PRKN: variants seen among roughly 807,000 people sequenced by gnomAD.
The protein encoded by PRKN is parkin RBR E3 ubiquitin protein ligase.
In PRKN, 56 loss-of-function variants were observed where a neutral mutation model predicts 59.5. The ratio of observed to expected loss-of-function variants is 0.94; its 90% CI spans 0.76 to 1.18. PRKN has a LOEUF of 1.18. PRKN is among the 50% of genes most tolerant of loss of function. The pLI, the probability that PRKN is intolerant of heterozygous loss-of-function variation, is 0.00. For synonymous variants in PRKN, 250 were observed against 222.1 expected (o/e 1.13, Z -1.12); for missense variants, 657 against 596.4 (o/e 1.10, Z -1.06).
At chr6:162,388,686 A>G (rs1786981354) in intron 2 of PRKN, among the ~76,000 whole-genome samples, 1 of 152,138 alleles carries the variant, frequency 6.6e-6, no homozygotes, top group Admixed American at 6.5e-5. Flanking sequence ...TGTGCCACGT[A>G]CTGTGCTCGG....
chr6:162,170,157 T>G (rs1248039069), intron 4 of PRKN, among the ~76,000 whole-genome samples: 1 of 152,150 alleles, frequency 6.6e-6, no homozygotes, highest in Non-Finnish European at 1.5e-5. Flanking sequence ...CCTTTCTTAC[T>G]CTCTGTCTCC....
intron 2 of PRKN, among the ~76,000 whole-genome samples, chr6:162,277,906 A>G (rs1178184529): frequency 1.3e-5 from 2 of 152,200 alleles, no homozygotes; most frequent in African/African-American, 4.8e-5. Flanking sequence ...ACAATGCAGC[A>G]ATACCTGGAG....
intron 1 of PRKN, among the ~76,000 whole-genome samples, chr6:162,587,442 A>G (rs1014401367): frequency 2.0e-5 from 3 of 152,168 alleles, no homozygotes; most frequent in Admixed American, 6.5e-5. Context: ...AGCCCACAGT[A>G]GCATTTATTA....
In PRKN at chr6:161,444,681, C is replaced by T. The variant is rs879409722; in HGVS notation, c.1084-57804G>A. Among the ~76,000 whole-genome samples, 4 of 152,198 alleles carry T rather than the reference C, an allele frequency of 2.6e-5. No individual in the cohort carries two copies. The highest frequency in any genetic ancestry group is 5.9e-5 in the Non-Finnish European group (4 of 68,034). ...GCGGGTAGCGAGGGCTCCTGAGTAA[C>T]AGCGAGCTTTGCACGAGCGCTACCG... On this transcript the variant is annotated intron_variant, in intron 9 of 11. Coordinates refer to ENST00000366898, the MANE Select transcript of PRKN (RefSeq NM_004562.3). The surrounding 1 kb of genome is among the most constrained non-coding windows in gnomAD (Gnocchi z 5.6).
chr6:162,321,164 T>C (rs1474224800), intron 2 of PRKN, among the ~76,000 whole-genome samples: 2 of 151,762 alleles, frequency 1.3e-5, no homozygotes, highest in African/African-American at 2.4e-5. Flanking sequence ...GGATACAAAT[T>C]ACCAATGTCA....
chr6:162,115,147 A>G (rs1583053982), intron 4 of PRKN, among the ~76,000 whole-genome samples: 3 of 152,250 alleles, frequency 2.0e-5, no homozygotes, highest in South Asian at 2.1e-4. Flanking sequence ...CATATACACC[A>G]TGGAATACTA....
chr6:161,812,779 A>T (rs1791615575), intron 6 of PRKN, among the ~76,000 whole-genome samples: 1 of 152,210 alleles, frequency 6.6e-6, no homozygotes, highest in African/African-American at 2.4e-5. Context: ...CTTAAATATT[A>T]TTGTGGAGAT....
intron 1 of PRKN, among the ~76,000 whole-genome samples, chr6:162,491,508 G>C (rs139210453): frequency 6.6e-6 from 1 of 152,104 alleles, no homozygotes; most frequent in Non-Finnish European, 1.5e-5. Context: ...CTGCAGCTGC[G>C]CCCAGACAGC....
intron 6 of PRKN, among the ~76,000 whole-genome samples, chr6:161,856,077 C>T (rs2128223468): frequency 6.6e-6 from 1 of 152,284 alleles, no homozygotes; most frequent in South Asian, 2.1e-4. Context: ...GATCAAAGAT[C>T]TGCTAGGTGC....
rs1584139312 is a variant in PRKN at position 162,727,595 on chromosome 6, G to C, written c.7+67C>G. The C allele has an allele frequency of 2.6e-6, 4 of 1,510,164 alleles. No homozygotes were observed. In the East Asian group the frequency reaches 9.7e-5, roughly 37 times the overall value. 93.5% of individuals were successfully genotyped at this position (1,510,164 alleles called of 1,614,324 possible). A position where few individuals can be genotyped will look rare whatever the true frequency, so the allele number is the denominator to read the frequency against. The stretch of plus-strand genomic sequence containing the variant: ...ACCGGGGGTCCTGGTCGGCCGAGGC[G>C]GGGCGTGGCGCCATACCGGGGCGTG... On this transcript the variant is annotated intron_variant, in intron 1 of 11. Coordinates refer to ENST00000366898, the MANE Select transcript of PRKN (RefSeq NM_004562.3).
At chr6:162,174,550 C>CAT (rs1783446716) in intron 4 of PRKN, among the ~76,000 whole-genome samples, 1 of 151,600 alleles carries the variant, frequency 6.6e-6, no homozygotes, top group Admixed American at 6.6e-5. Flanking sequence ...ATATGAAACA[C>CAT]AGTATTTTAA....
intron 1 of PRKN, among the ~76,000 whole-genome samples, chr6:162,675,631 TAGAG>T (rs1045134259): frequency 6.4e-4 from 98 of 152,212 alleles, no homozygotes; most frequent in African/African-American, 2.2e-3. Context: ...CACTAAAAGA[TAGAG>T]AGAAACACTT....
In PRKN at chr6:161,363,852, A is replaced by T. The variant is rs561348539; in HGVS notation, c.1168-3647T>A. 6.6e-6 allele frequency among the ~76,000 whole-genome samples: 1 copy of T among 152,312 alleles called. No homozygotes were observed. The highest frequency in any genetic ancestry group is 1.9e-4 in the East Asian group (1 of 5,186). On this transcript the variant is annotated intron_variant, in intron 10 of 11. Transcript: ENST00000366898. This position sits in a 1 kb window ranked among gnomAD's most constrained non-coding sequence, Gnocchi z 4.1. ...AAAAAACAGCATTTCCCATCAACAG[A>T]AGTTCATTAAAGAAACATGATTTGG...
chr6:161,966,342 T>A (rs973027778), intron 6 of PRKN, among the ~76,000 whole-genome samples: 1 of 150,900 alleles, frequency 6.6e-6, no homozygotes, highest in South Asian at 2.1e-4. Flanking sequence ...ATTTTTACCC[T>A]TTAAAAAATT....
intron 1 of PRKN, among the ~76,000 whole-genome samples, chr6:162,450,509 C>G (rs563190750): frequency 6.6e-6 from 1 of 151,880 alleles, no homozygotes; most frequent in South Asian, 2.1e-4. Flanking sequence ...GCTACCGCAG[C>G]CAGGTGATCA....
intron 1 of PRKN, among the ~76,000 whole-genome samples, chr6:162,502,770 T>C (rs1793430171): frequency 6.6e-6 from 1 of 152,064 alleles, no homozygotes; most frequent in Admixed American, 6.5e-5. Context: ...TCAAATCCAA[T>C]ATCCTCATTT....
At chr6:161,737,957 G>T (rs140380332) in intron 7 of PRKN, among the ~76,000 whole-genome samples, 219 of 152,272 alleles carry the variant, frequency 1.4e-3, no homozygotes, top group African/African-American at 5.0e-3. Flanking sequence ...GATTCTATCT[G>T]CATTCCTCCA....
At chr6:162,702,083 G>C (rs1400274338) in intron 1 of PRKN, among the ~76,000 whole-genome samples, 2 of 151,964 alleles carry the variant, frequency 1.3e-5, no homozygotes, top group East Asian at 3.9e-4. Context: ...CTTTAAAATA[G>C]GAGGTGAAAA....
intron 1 of PRKN, among the ~76,000 whole-genome samples, chr6:162,545,687 A>C (rs1405763018): frequency 6.6e-6 from 1 of 152,242 alleles, no homozygotes; most frequent in Non-Finnish European, 1.5e-5. Context: ...AATTAATGTC[A>C]GATGACACTA....
Sources: allele counts gnomAD v4.1 joint callset (sites outside exome capture counted in the v4.1 genomes callset), GRCh38; gene constraint gnomAD v4.1.1; non-coding constraint Gnocchi (gnomAD v3.1); transcripts MANE v1.5; gene names NCBI Gene and HGNC (gene_info 2026-07-23, HGNC 2026-07-21).